STARD13: variants seen among roughly 807,000 people sequenced by gnomAD.
STARD13 encodes the protein StAR related lipid transfer domain containing 13.
Under a neutral mutation model 106.4 loss-of-function variants are expected in STARD13, and 62 were observed. The ratio of observed to expected loss-of-function variants is 0.58; its 90% confidence interval spans 0.48 to 0.72. STARD13 has a LOEUF of 0.72. Ranked by LOEUF, STARD13 falls within the 30% of genes least tolerant of loss-of-function variation. The probability of loss-of-function intolerance (pLI) is 0.00; values close to 1 mark genes in which losing one functional copy is unlikely to be tolerated. For synonymous variants in STARD13, 565 were observed against 553.0 expected, an observed-to-expected ratio of 1.02 and a Z score of -0.31; for missense variants, 1,387 against 1,424.0, an observed-to-expected ratio of 0.97 and a Z score of 0.42.
intron 8 of STARD13, 158 bp from the exon 9 acceptor site, chr13:33,113,089 A>G (rs538215316): frequency 3.5e-5 from 20 of 572,610 alleles, no homozygotes; most frequent in Middle Eastern, 4.5e-4. Context: ...AGAAGTCAGT[A>G]ATTGCTGAGG....
chr13:33,512,644 T>G, the STARD13 span, among the ~76,000 whole-genome samples: 1 of 152,070 alleles, frequency 6.6e-6, no homozygotes, highest in Non-Finnish European at 1.5e-5. Context: ...ATTTTTTGAA[T>G]TTTTAGTAGA....
At chr13:33,624,046 AG>A in the STARD13 span, among the ~76,000 whole-genome samples, 1 of 152,242 alleles carries the variant, frequency 6.6e-6, no homozygotes, top group Non-Finnish European at 1.5e-5. Flanking sequence ...ATTTTGGCAA[AG>A]TTTGGCAGTG....
chr13:33,248,119 G>C (rs1463533213), intron 1 of STARD13, among the ~76,000 whole-genome samples: 4 of 152,184 alleles, frequency 2.6e-5, no homozygotes, highest in Non-Finnish European at 5.9e-5. Flanking sequence ...GAAGAAGAAG[G>C]CTGGGCATGG....
the STARD13 span, among the ~76,000 whole-genome samples, chr13:33,672,325 T>C: frequency 2.0e-5 from 3 of 152,040 alleles, no homozygotes; most frequent in East Asian, 1.9e-4. Flanking sequence ...TGAGAACACA[T>C]GGACACAGGG....
chr13:33,402,065 A>G, the STARD13 span, among the ~76,000 whole-genome samples: 14 of 152,244 alleles, frequency 9.2e-5, no homozygotes, highest in Admixed American at 7.9e-4. Context: ...ATCAAGGCCT[A>G]TAATAAGCCT....
At chr13:33,135,875 C>T (rs1468277448) in intron 4 of STARD13, among the ~76,000 whole-genome samples, 1 of 152,164 alleles carries the variant, frequency 6.6e-6, no homozygotes, top group Non-Finnish European at 1.5e-5. Flanking sequence ...GTAATCCCAG[C>T]ACTTTGGAAG....
At chr13:33,614,083 A>T in the STARD13 span, among the ~76,000 whole-genome samples, 1 of 152,170 alleles carries the variant, frequency 6.6e-6, no homozygotes, top group Non-Finnish European at 1.5e-5. Flanking sequence ...AGCCAATTAA[A>T]TGTTTTAAAA....
the STARD13 span, among the ~76,000 whole-genome samples, chr13:33,498,802 T>G: frequency 6.6e-6 from 1 of 152,236 alleles, no homozygotes; most frequent in Non-Finnish European, 1.5e-5. Context: ...TATTTGCATA[T>G]GCAATGCTTC....
chr13:33,138,711 C>G (rs2138214360), intron 4 of STARD13: 1 of 336,236 alleles, frequency 3.0e-6, no homozygotes, highest in Non-Finnish European at 5.9e-6. Flanking sequence ...CTGCAGGCGG[C>G]AGAAGTGCTG....
chr13:33,113,809 T>C (rs1229609764), intron 8 of STARD13, among the ~76,000 whole-genome samples: 1 of 152,182 alleles, frequency 6.6e-6, no homozygotes, highest in Admixed American at 6.5e-5. Flanking sequence ...GGGAACTAAA[T>C]GGAAATCACA....
rs187659077 is a variant in STARD13 at position 33,117,976 on chromosome 13, C to T, written c.2281+89G>A. The T allele has an allele frequency of 2.5e-3, 3,918 of 1,577,274 alleles. 7 individuals are homozygous for T. The highest frequency in any genetic ancestry group is 0.015 in the Middle Eastern group (83 of 5,356). On this transcript the variant is annotated intron_variant, in intron 8 of 13. Coordinates refer to ENST00000336934, the MANE Select transcript of STARD13 (RefSeq NM_178006.4). The stretch of plus-strand genomic sequence containing the variant: ...CATCTTTATGGATTGATGTATTATT[C>T]GTATAATTAAAACTCAATCTATAGG...
At chr13:33,593,714 C>A in the STARD13 span, among the ~76,000 whole-genome samples, 164 of 152,190 alleles carry the variant, frequency 1.1e-3, no homozygotes, top group Non-Finnish European at 1.6e-3. Flanking sequence ...TTCCTGAGAT[C>A]AATCCCTCCC....
At chr13:33,306,778 T>G (rs1207489723) in intron 1 of STARD13, among the ~76,000 whole-genome samples, 1 of 152,022 alleles carries the variant, frequency 6.6e-6, no homozygotes, top group Non-Finnish European at 1.5e-5. Flanking sequence ...GGTGAAACTC[T>G]GTCTCTACTA....
rs578130702 is a variant in STARD13, at chr13:33,339,051, C to A, written c.124+11239G>T. Reference sequence around the variant, plus strand: ...TTATATGTATGTTGTCTTCAATAATCCCTTACATAGGGTTTATTATGGGCC... The same window carrying A: ...TTATATGTATGTTGTCTTCAATAATACCTTACATAGGGTTTATTATGGGCC... On this transcript the variant is annotated intron_variant, in intron 1 of 5. Transcript: ENST00000567873. Among the ~76,000 whole-genome samples the A allele has an allele frequency of 7.2e-5, 11 of 152,256 alleles. No individual in the cohort carries two copies. The South Asian group carries it at 2.1e-3, about 29-fold the overall frequency.
chr13:33,349,232 A>T lies in STARD13; in HGVS notation c.125-16T>A, dbSNP rs1387653670. 4.3e-6 allele frequency: 3 copies of T among 702,208 alleles called. No individual in the cohort carries two copies. The African/African-American group carries it at 5.2e-5, about 12-fold the overall frequency. 43.5% of individuals were successfully genotyped at this position (702,208 alleles called of 1,614,324 possible). ...AGAGATAGTCCTGGAGAGGACACAG[A>T]GGCAACAAGGTCCAGAGACTTGCCT... On this transcript the variant is annotated splice_polypyrimidine_tract_variant and intron_variant, in intron 1 of 1. Coordinates refer to the STARD13 transcript ENST00000439831.
chr13:33,509,732 G>C, the STARD13 span, among the ~76,000 whole-genome samples: 6,568 of 152,292 alleles, frequency 0.043, 453 homozygotes, highest in African/African-American at 0.15. Context: ...CAACAGATCT[G>C]TCAGGAGAGG....
In STARD13 at chr13:33,147,652, T is replaced by C. The variant is rs78293544; in HGVS notation, c.324-5279A>G. On this transcript the variant is annotated intron_variant, in intron 3 of 13. Transcript: ENST00000336934. Reference sequence around the variant, plus strand: ...GATTTCAAGAGGTGCCATATTACAATATTTAAAATGTCCAGTTTTAAACAA... The same window carrying C: ...GATTTCAAGAGGTGCCATATTACAACATTTAAAATGTCCAGTTTTAAACAA... 2.4e-3 allele frequency among the ~76,000 whole-genome samples: 367 copies of C among 152,232 alleles called. 13 individuals carry two copies. In the East Asian group the frequency reaches 0.063, roughly 26 times the overall value.
the STARD13 span, among the ~76,000 whole-genome samples, chr13:33,479,761 G>A: frequency 1.3e-5 from 2 of 152,138 alleles, no homozygotes; most frequent in Non-Finnish European, 2.9e-5. Context: ...TCTTGGCGCT[G>A]TTCTCATGAT....
the STARD13 span, chr13:33,657,483 A>G: frequency 6.6e-6 from 1 of 152,254 alleles, no homozygotes; most frequent in Non-Finnish European, 1.5e-5. Flanking sequence ...TATTACAGGC[A>G]GCAGAGGACT....
Sources: allele counts gnomAD v4.1 joint callset (sites outside exome capture counted in the v4.1 genomes callset), GRCh38; gene constraint gnomAD v4.1.1; transcripts MANE v1.5; gene names NCBI Gene and HGNC (gene_info 2026-07-23, HGNC 2026-07-21).